Variants in GABRB1 observed in about 807,000 individuals in gnomAD.
The protein encoded by GABRB1 is gamma-aminobutyric acid receptor subunit beta-1.
In GABRB1, 17 loss-of-function variants were observed where a neutral mutation model predicts 51.6. The observed-to-expected ratio is 0.33, with a 90% CI of 0.23 to 0.49. The LOEUF is 0.49. Ranked by LOEUF, GABRB1 falls within the 20% of genes least tolerant of loss-of-function variation. The pLI, the probability that GABRB1 is intolerant of heterozygous loss-of-function variation, is 0.99. For missense variants in GABRB1, 410 were observed against 600.6 expected (o/e 0.68, Z 3.32); for synonymous variants, 247 against 218.9 (o/e 1.13, Z -1.14).
At chr4:47,189,401 T>C (rs946173972) in intron 4 of GABRB1, among the ~76,000 whole-genome samples, 1 of 151,790 alleles carries the variant, frequency 6.6e-6, no homozygotes, top group Non-Finnish European at 1.5e-5. Context: ...ATATGGAGGA[T>C]AGAATATAAG....
At chr4:47,395,657 G>A (rs1728156010) in intron 5 of GABRB1, among the ~76,000 whole-genome samples, 2 of 152,044 alleles carry the variant, frequency 1.3e-5, no homozygotes, top group Admixed American at 6.6e-5. Context: ...TTCCTTCTTT[G>A]TAATTTAATT....
chr4:47,075,262 C>A (rs1166889711), intron 3 of GABRB1, among the ~76,000 whole-genome samples: 1 of 152,100 alleles, frequency 6.6e-6, no homozygotes, highest in Non-Finnish European at 1.5e-5. Context: ...TAGGTACCAG[C>A]TGAACCAGCT....
At chr4:47,087,556 A>G (rs948270114) in intron 3 of GABRB1, among the ~76,000 whole-genome samples, 3 of 137,372 alleles carry the variant, frequency 2.2e-5, no homozygotes, top group Non-Finnish European at 4.7e-5. Context: ...TTTTTTTTTT[A>G]TTATACTTTA....
intron 4 of GABRB1, among the ~76,000 whole-genome samples, chr4:47,181,990 C>T (rs1215113534): frequency 6.6e-6 from 1 of 151,956 alleles, no homozygotes; most frequent in Non-Finnish European, 1.5e-5. Flanking sequence ...CTAGTCTTTT[C>T]CTGCAGTATG....
chr4:47,048,206 C>T (rs113682165), intron 3 of GABRB1, among the ~76,000 whole-genome samples: 48 of 152,220 alleles, frequency 3.2e-4, no homozygotes, highest in African/African-American at 1.2e-3. Flanking sequence ...TTGATTTATT[C>T]AGTCATAACC....
At chr4:47,152,350 C>A (rs2109719528) in intron 3 of GABRB1, among the ~76,000 whole-genome samples, 1 of 152,024 alleles carries the variant, frequency 6.6e-6, no homozygotes, top group African/African-American at 2.4e-5. Context: ...TGCCAGGGCC[C>A]TGAAAGATAA....
intron 3 of GABRB1, among the ~76,000 whole-genome samples, chr4:47,138,926 TCACCC>T (rs1236170230): frequency 6.6e-6 from 1 of 152,062 alleles, no homozygotes; most frequent in East Asian, 1.9e-4. Flanking sequence ...CCTGACTAAT[TCACCC>T]TTATTTAAGC....
At chr4:47,294,384 A>T (rs1475253103) in intron 4 of GABRB1, among the ~76,000 whole-genome samples, 7 of 152,202 alleles carry the variant, frequency 4.6e-5, no homozygotes, top group Non-Finnish European at 8.8e-5. Context: ...GCACCTGGAA[A>T]ATCGGGTCAC....
chr4:47,004,689 A>G (rs1434283332), intron 1 of GABRB1, among the ~76,000 whole-genome samples: 1 of 152,114 alleles, frequency 6.6e-6, no homozygotes, highest in African/African-American at 2.4e-5. Context: ...GATTTAAAAA[A>G]CAAACAGACA....
At chr4:47,414,590 G>A (rs1304484309) in intron 8 of GABRB1, among the ~76,000 whole-genome samples, 3 of 152,112 alleles carry the variant, frequency 2.0e-5, no homozygotes, top group African/African-American at 7.2e-5. Flanking sequence ...GTGATTTGGG[G>A]GCCCCAAGAT....
chr4:47,395,279 A>G (rs1290732445), intron 5 of GABRB1, among the ~76,000 whole-genome samples: 1 of 152,214 alleles, frequency 6.6e-6, no homozygotes, highest in East Asian at 1.9e-4. Flanking sequence ...GAAACTTACA[A>G]TCATGGCAGA....
At position 47,425,685 on chromosome 4, in the gene GABRB1, C is replaced by T. The variant is rs112966893; in HGVS notation, c.1092C>T (p.His364=). The change falls in exon 9 of 9, where the codon CAC becomes CAT. Residue 364 remains histidine, a synonymous_variant. Transcript: ENST00000295454. Reference sequence around the variant, plus strand: ...CTTTTTGCCATCAGGTCGACGCCCACGGTAACATTCTCCTCAGCACCCTGG... The same window carrying T: ...CTTTTTGCCATCAGGTCGACGCCCATGGTAACATTCTCCTCAGCACCCTGG... ...LEMNKVQVDA[H]GNILLSTLEI... is the part of the protein sequence containing the mutation. 4.5e-5 allele frequency: 72 copies of T among 1,599,536 alleles called. 1 individual carries two copies. The African/African-American group carries it at 5.0e-4, about 11-fold the overall frequency.
intron 3 of GABRB1, among the ~76,000 whole-genome samples, chr4:47,120,466 G>A (rs1024266000): frequency 5.3e-5 from 8 of 152,102 alleles, no homozygotes; most frequent in African/African-American, 9.7e-5. Context: ...GCTTTACCTC[G>A]CTGCAGCTGA....
intron 5 of GABRB1, among the ~76,000 whole-genome samples, chr4:47,341,572 A>T (rs892972877): frequency 6.6e-6 from 1 of 152,182 alleles, no homozygotes; most frequent in Non-Finnish European, 1.5e-5. Flanking sequence ...CACTCAAATT[A>T]GTGTTCTTCT....
At chr4:47,084,321 G>T (rs1046677993) in intron 3 of GABRB1, among the ~76,000 whole-genome samples, 11 of 152,180 alleles carry the variant, frequency 7.2e-5, no homozygotes, top group Non-Finnish European at 1.5e-4. Flanking sequence ...CCATCAACTG[G>T]TAATCAGTAT....
chr4:47,219,060 C>T (rs866967939), intron 4 of GABRB1, among the ~76,000 whole-genome samples: 1 of 151,774 alleles, frequency 6.6e-6, no homozygotes, highest in Non-Finnish European at 1.5e-5. Flanking sequence ...CTCTGGAAAG[C>T]TTTTAACAAC....
intron 3 of GABRB1, among the ~76,000 whole-genome samples, chr4:47,053,713 T>C (rs188432982): frequency 1.1e-3 from 169 of 152,236 alleles, no homozygotes; most frequent in African/African-American, 4.0e-3. Context: ...CTATGGCATA[T>C]CTAGAGAGTG....
At chr4:47,271,103 C>T (rs185559841) in intron 4 of GABRB1, among the ~76,000 whole-genome samples, 6 of 152,072 alleles carry the variant, frequency 3.9e-5, no homozygotes, top group South Asian at 2.1e-4. Flanking sequence ...CATCAACACA[C>T]GTTCATGATA....
At chr4:47,092,450 G>A (rs1241752184) in intron 3 of GABRB1, among the ~76,000 whole-genome samples, 1 of 151,666 alleles carries the variant, frequency 6.6e-6, no homozygotes, top group Non-Finnish European at 1.5e-5. Flanking sequence ...TGGGATTACA[G>A]GCATCAGCCA....
Sources: allele counts gnomAD v4.1 joint callset (sites outside exome capture counted in the v4.1 genomes callset), GRCh38; gene constraint gnomAD v4.1.1; transcripts MANE v1.5; gene names NCBI Gene and HGNC (gene_info 2026-07-23, HGNC 2026-07-21).